The following SCART1 variants were observed in gnomAD, a reference collection of about 807,000 sequenced individuals.
SCART1 encodes scavenger receptor family member expressed on T cells 1.
In SCART1, 62 loss-of-function variants were observed where a neutral mutation model predicts 36.2. The observed-to-expected ratio is 1.71, with a 90% CI of 1.40 to 2.12. The LOEUF is 2.12. SCART1 is among the 30% of genes most tolerant of loss of function. The probability of loss-of-function intolerance (pLI) is 0.00; values close to 1 mark genes in which losing one functional copy is unlikely to be tolerated. For synonymous variants in SCART1, 487 were observed against 238.7 expected (o/e 2.04, Z -9.59); for missense variants, 1,041 against 540.5 (o/e 1.93, Z -9.18).
chr10:133,469,506 C>T (rs549910367), downstream of SCART1, among the ~76,000 whole-genome samples: 1 of 152,180 alleles, frequency 6.6e-6, no homozygotes, highest in East Asian at 1.9e-4. Flanking sequence ...GAAAACCAAA[C>T]ACTGCATGTT....
exon 4 of SCART1, chr10:133,458,646 C>T (rs1236514308): frequency 2.9e-6 from 2 of 700,070 alleles, no homozygotes; most frequent in Non-Finnish European, 5.2e-6. Context: ...ACGCGGGGCT[C>T]AGGTGCTCAG....
chr10:133,467,893 G>A (rs1033301193), exon 12 of SCART1: 6 of 700,352 alleles, frequency 8.6e-6, no homozygotes, highest in Middle Eastern at 2.3e-4. Flanking sequence ...CTATACGTGC[G>A]GAGGGAGGAC....
At chr10:133,454,788 G>A (rs887446247) in intron 1 of SCART1, among the ~76,000 whole-genome samples, 7 of 152,088 alleles carry the variant, frequency 4.6e-5, no homozygotes, top group African/African-American at 1.7e-4. Flanking sequence ...CCAGCGGTGG[G>A]GTGGAAGTCT....
At chr10:133,457,963 G>A in intron 3 of SCART1, 1 of 514,912 alleles carries the variant, frequency 1.9e-6, no homozygotes, top group Middle Eastern at 5.3e-4. Context: ...GCCTTGTTGT[G>A]CATATGAGGA....
chr10:133,456,300 G>T (rs1480972941), exon 2 of SCART1: 1 of 702,948 alleles, frequency 1.4e-6, no homozygotes. Flanking sequence ...GTGTTGGTCC[G>T]ACACCACGGG....
exon 6 of SCART1, chr10:133,459,492 G>A (rs1053050398): frequency 9.3e-6 from 6 of 646,016 alleles, no homozygotes; most frequent in African/African-American, 9.1e-5. Context: ...CCCAGGTCTG[G>A]CCCACGCCCT....
At chr10:133,465,398 G>A (rs948695177) in exon 9 of SCART1, 3 of 620,840 alleles carry the variant, frequency 4.8e-6, no homozygotes, top group African/African-American at 3.9e-5. Flanking sequence ...GGCTGTGGTC[G>A]GGCCGTCGCC....
exon 5 of SCART1, chr10:133,459,260 T>C (rs1225616587): frequency 1.5e-6 from 1 of 676,780 alleles, no homozygotes; most frequent in Admixed American, 2.1e-5. Context: ...CTTGTGGAAT[T>C]GCCCAGTAAG....
At chr10:133,468,274 T>C (rs2133561348) in exon 12 of SCART1, 1 of 232,186 alleles carries the variant, frequency 4.3e-6, no homozygotes, top group East Asian at 8.3e-5. Flanking sequence ...GCCATCTTCA[T>C]CTTCCGCTCC....
exon 5 of SCART1, chr10:133,459,088 G>T (rs1004596108): frequency 7.1e-6 from 5 of 702,506 alleles, no homozygotes; most frequent in Non-Finnish European, 1.3e-5. Flanking sequence ...AGGGGTCCTG[G>T]GCACCCCTCT....
At chr10:133,462,451 G>A (rs1280378231) in intron 6 of SCART1, among the ~76,000 whole-genome samples, 1 of 152,188 alleles carries the variant, frequency 6.6e-6, no homozygotes, top group Non-Finnish European at 1.5e-5. Flanking sequence ...TATGTTACAT[G>A]TTATTAAAAT....
rs1564836157 is a variant in SCART1, at chr10:133,466,247, G to GC, written c.2678dup (p.Leu894ThrfsTer57). 1.4e-6 allele frequency: 1 copy of GC among 702,484 alleles called. No homozygotes were observed. The highest frequency in any genetic ancestry group is 2.6e-6 in the Non-Finnish European group (1 of 384,770). The allele number at this position is 702,484 out of a possible 1,614,324, so 43.5% of individuals were successfully genotyped here. ...TCTCCTTTCTCAGAGCCTGGCCCAG[G>GC]CCCCCCACTGCCTGCAGCTCCCTTC... On this transcript the variant is annotated frameshift_variant, in exon 10 of 12. Transcript: ENST00000640237. LOFTEE classifies it high-confidence loss of function.
chr10:133,457,333 TC>T lies in SCART1; in HGVS notation c.444del (p.Glu149ArgfsTer5), dbSNP rs144029024. ...AAGGGCCGCAGTCCCTGCGCGGGAC[TC>T]CCCGAGATCAGAAACGTGAATGGGG... On this transcript the variant is annotated frameshift_variant, in exon 3 of 12. Transcript: ENST00000640237. LOFTEE classifies it high-confidence loss of function. 88,064 of 699,894 alleles carry T rather than the reference TC, an allele frequency of 0.13. 6,681 individuals are homozygous for T. The highest frequency in any genetic ancestry group is 0.28 in the African/African-American group (15,479 of 56,240). The allele number at this position is 699,894 out of a possible 1,614,324, so 43.4% of individuals were successfully genotyped here.
Position 133,459,736 on chromosome 10 carries a change from AGT to A in SCART1, c.1537_1538del (p.Cys513GlnfsTer23). The A allele has an allele frequency of 1.4e-6, 1 of 699,216 alleles. No homozygotes were observed. The highest frequency in any genetic ancestry group is 1.5e-5 in the South Asian group (1 of 67,314). 43.3% of individuals were successfully genotyped at this position (699,216 alleles called of 1,614,324 possible). On this transcript the variant is annotated frameshift_variant, in exon 6 of 12. Transcript: ENST00000640237. LOFTEE classifies it high-confidence loss of function. ...CTGGGCACCGAAACCCGCCTGACTC[AGT>A]GCAACGTGTCCGCGACCCTGCAGGA...
chr10:133,464,581 T>G (rs1401247617), intron 6 of SCART1, 25 bp from the exon 7 acceptor site: 2 of 634,302 alleles, frequency 3.2e-6, no homozygotes, highest in South Asian at 3.6e-5. Context: ...GGGCACTCCC[T>G]GGCCTGACTG....
At position 133,465,537 on chromosome 10, in the gene SCART1, C is replaced by G. The variant is rs1477909347; in HGVS notation, c.2631C>G (p.His877Gln). 1.1e-5 allele frequency: 6 copies of G among 527,028 alleles called. No individual in the cohort carries two copies. The East Asian group carries it at 1.7e-4, about 15-fold the overall frequency. 32.6% of individuals were successfully genotyped at this position (527,028 alleles called of 1,614,324 possible). A position where few individuals can be genotyped will look rare whatever the true frequency, so the allele number is the denominator to read the frequency against. ...GGTGGGGACGCGGAGACCGCGCGCA[C>G]GAGGAGGACGCGGGCGTGCGCTGCT... Residue 877 changes from histidine to glutamine, a missense_variant, in exon 9 of 12, where the codon CAC becomes CAG. His to Gln is a conservative substitution (Grantham distance 24). Transcript: ENST00000640237.
At chr10:133,457,627 G>A (rs1430580679) in intron 3 of SCART1, 52 bp downstream of exon 3, 27 of 618,188 alleles carry the variant, frequency 4.4e-5, no homozygotes, top group African/African-American at 1.1e-4. Context: ...TGCTGGGCCC[G>A]GACCTGGGGA....
At chr10:133,459,791 C>T (rs1425543909) in exon 6 of SCART1, 1 of 669,358 alleles carries the variant, frequency 1.5e-6, no homozygotes, top group Non-Finnish European at 2.7e-6. Flanking sequence ...GGGACGCCGG[C>T]GTGGTGTGCT....
chr10:133,454,189 G>A (rs1204814554), intron 1 of SCART1, 125 bp downstream of exon 1: 2 of 671,178 alleles, frequency 3.0e-6, no homozygotes, highest in Non-Finnish European at 5.4e-6. Flanking sequence ...TCAGCCCAGA[G>A]TGGGTGGGAC....
Sources: gnomAD v4.1 joint callset for allele counts (sites outside exome capture counted in the v4.1 genomes callset) on GRCh38, gnomAD v4.1.1 for gene constraint, MANE v1.5 for transcripts, NCBI Gene and HGNC (gene_info 2026-07-23, HGNC 2026-07-21) for gene names.